The following NEO1 variants were observed in gnomAD, a reference collection of about 807,000 sequenced individuals.
NEO1 encodes the protein neogenin 1.
In NEO1, 63 loss-of-function variants were observed where a neutral mutation model predicts 159.7. The ratio of observed to expected loss-of-function variants is 0.39; its 90% CI spans 0.32 to 0.49. The LOEUF (loss-of-function observed/expected upper bound fraction) is 0.49, where lower values mean the gene tolerates loss of function less well. NEO1 is among the 20% of genes least tolerant of loss of function. The probability of loss-of-function intolerance (pLI) is 0.85; values close to 1 mark genes in which losing one functional copy is unlikely to be tolerated. For missense variants in NEO1, 1,615 were observed against 1,831.0 expected, an observed-to-expected ratio of 0.88 and a Z score of 2.15; for synonymous variants, 633 against 662.0, an observed-to-expected ratio of 0.96 and a Z score of 0.67.
chr15:73,085,227 T>C (rs2069290779), intron 1 of NEO1, among the ~76,000 whole-genome samples: 1 of 152,134 alleles, frequency 6.6e-6, no homozygotes, highest in Admixed American at 6.6e-5. Context: ...TATGTAATCT[T>C]TTGGGGCTGG....
chr15:73,168,383 G>C (rs28594832), intron 5 of NEO1, among the ~76,000 whole-genome samples: 2 of 87,218 alleles, frequency 2.3e-5, no homozygotes, highest in African/African-American at 4.3e-5. Flanking sequence ...GGGGGGTGGG[G>C]GGGGGGGGTC....
At chr15:73,065,465 G>T (rs1323373980) in intron 1 of NEO1, among the ~76,000 whole-genome samples, 1 of 151,898 alleles carries the variant, frequency 6.6e-6, no homozygotes, top group African/African-American at 2.4e-5. Flanking sequence ...TTGTGGAGAG[G>T]GTGCTGGATG....
rs780205315 is a variant in NEO1 at position 73,254,858 on chromosome 15, T to C, written c.2092+29T>C. On this transcript the variant is annotated intron_variant, in intron 13 of 28. Transcript: ENST00000261908. ...AGCTACCGTGCACAAAGGCAAAAGG[T>C]ACACTGTGTCTTTCTCAGATATTGA... 1.5e-5 allele frequency: 24 copies of C among 1,599,756 alleles called. No individual in the cohort carries two copies. In the African/African-American group the frequency reaches 2.0e-4, roughly 13 times the overall value.
intron 1 of NEO1, among the ~76,000 whole-genome samples, chr15:73,087,030 A>C (rs1379693476): frequency 6.6e-6 from 1 of 152,074 alleles, no homozygotes. Context: ...ACTGGATAGG[A>C]TTTTCAGTAC....
At chr15:73,056,078 A>C (rs192855285) in intron 1 of NEO1, among the ~76,000 whole-genome samples, 1 of 152,276 alleles carries the variant, frequency 6.6e-6, no homozygotes, top group East Asian at 1.9e-4. Context: ...AAAATCTGTT[A>C]CTAGTGTTCT....
chr15:73,176,346 T>C lies in NEO1; in HGVS notation c.1016-57T>C, dbSNP rs1021006032. On this transcript the variant is annotated intron_variant, in intron 5 of 28. Coordinates refer to ENST00000261908, the MANE Select transcript of NEO1 (RefSeq NM_002499.4). ...TATGATTTAAAAATTGGTTGAAATATGAATAGCTGCCTAGTTCTATTTTCA... is the reference window on the plus strand; with the variant it reads ...TATGATTTAAAAATTGGTTGAAATACGAATAGCTGCCTAGTTCTATTTTCA... 2.4e-5 allele frequency: 28 copies of C among 1,160,610 alleles called. 1 individual carries two copies. The South Asian group carries it at 5.3e-4, about 22-fold the overall frequency. The allele number at this position is 1,160,610 out of a possible 1,614,324, so 71.9% of individuals were successfully genotyped here. A position where few individuals can be genotyped will look rare whatever the true frequency, so the allele number is the denominator to read the frequency against.
chr15:73,122,063 G>GTGTGTGTATA (rs1290054672), intron 2 of NEO1, among the ~76,000 whole-genome samples: 2 of 126,368 alleles, frequency 1.6e-5, no homozygotes, highest in East Asian at 4.6e-4. Flanking sequence ...GTGTGTGTGT[G>GTGTGTGTATA]TATATATATA....
chr15:73,283,194 C>A, intron 23 of NEO1, 83 bp downstream of exon 23: 23 of 1,417,964 alleles, frequency 1.6e-5, no homozygotes, highest in African/African-American at 7.2e-5. Context: ...GAGTGGTACA[C>A]AAAGTTAAGA....
At chr15:73,251,423 G>C (rs999757993) in intron 11 of NEO1, among the ~76,000 whole-genome samples, 18 of 151,266 alleles carry the variant, frequency 1.2e-4, no homozygotes, top group Non-Finnish European at 2.2e-4. Flanking sequence ...TGAGGTGGGA[G>C]GGTCACCTGA....
intron 1 of NEO1, among the ~76,000 whole-genome samples, chr15:73,101,545 C>G (rs2070402087): frequency 6.6e-6 from 1 of 152,224 alleles, no homozygotes; most frequent in Non-Finnish European, 1.5e-5. Context: ...GACTGCAAAG[C>G]TCTCTTTGGT....
chr15:73,229,154 A>G (rs908700016), intron 7 of NEO1, among the ~76,000 whole-genome samples: 10 of 152,110 alleles, frequency 6.6e-5, no homozygotes, highest in African/African-American at 1.2e-4. Flanking sequence ...ATTCATGAAC[A>G]TGGACTATCT....
At chr15:73,151,156 G>A (rs1456495914) in intron 5 of NEO1, among the ~76,000 whole-genome samples, 1 of 152,144 alleles carries the variant, frequency 6.6e-6, no homozygotes, top group Non-Finnish European at 1.5e-5. Context: ...TAGGTGTATA[G>A]TAGCATTTCT....
intron 7 of NEO1, among the ~76,000 whole-genome samples, chr15:73,216,332 T>C (rs2037881453): frequency 6.6e-6 from 1 of 152,174 alleles, no homozygotes; most frequent in African/African-American, 2.4e-5. Flanking sequence ...CAGTCTATCA[T>C]TGTTGGACAT....
chr15:73,219,126 T>C (rs927589952), intron 7 of NEO1, among the ~76,000 whole-genome samples: 9 of 151,838 alleles, frequency 5.9e-5, no homozygotes, highest in Non-Finnish European at 1.3e-4. Context: ...TGTTGTGTCT[T>C]TGTTCTCGTT....
chr15:73,053,234 C>T (rs1299122206), intron 1 of NEO1, among the ~76,000 whole-genome samples: 1 of 152,142 alleles, frequency 6.6e-6, no homozygotes, highest in Non-Finnish European at 1.5e-5. Flanking sequence ...GGCTTGAGCT[C>T]CTGGTTCCCT....
intron 7 of NEO1, among the ~76,000 whole-genome samples, chr15:73,201,954 C>CTTTTTTTT (rs1206304409): frequency 8.4e-5 from 7 of 83,454 alleles, no homozygotes; most frequent in African/African-American, 2.4e-4. Flanking sequence ...CTATATCATT[C>CTTTTTTTT]TTTTTTTTTT....
chr15:73,245,480 C>A (rs561999508), intron 9 of NEO1, among the ~76,000 whole-genome samples: 2 of 152,114 alleles, frequency 1.3e-5, no homozygotes, highest in Non-Finnish European at 2.9e-5. Flanking sequence ...ACCGAAATTA[C>A]AAGCAGCCAG....
chr15:73,194,711 G>A (rs1424043381), intron 7 of NEO1, among the ~76,000 whole-genome samples: 10 of 152,156 alleles, frequency 6.6e-5, no homozygotes, highest in African/African-American at 2.2e-4. Flanking sequence ...ACATCCAGAC[G>A]ATATCAGGCT....
chr15:73,254,894 T>G lies in NEO1; in HGVS notation c.2092+65T>G. 3.9e-6 allele frequency: 6 copies of G among 1,531,374 alleles called. No homozygotes were observed. The South Asian group carries it at 7.5e-5, about 19-fold the overall frequency. The allele number at this position is 1,531,374 out of a possible 1,614,324, so 94.9% of individuals were successfully genotyped here. On this transcript the variant is annotated intron_variant, in intron 13 of 28. Coordinates refer to ENST00000261908, the MANE Select transcript of NEO1 (RefSeq NM_002499.4). ...TTTCTCAGATATTGAATTATGCTAG[T>G]CTAATGACTGCTCTGAACTGTCGAC... is the stretch of plus-strand genomic sequence containing the variant.
Sources: allele counts gnomAD v4.1 joint callset (sites outside exome capture counted in the v4.1 genomes callset), GRCh38; gene constraint gnomAD v4.1.1; transcripts MANE v1.5; gene names NCBI Gene and HGNC (gene_info 2026-07-23, HGNC 2026-07-21).